Variants in PGF observed in about 807,000 individuals in gnomAD.
PGF encodes placenta growth factor.
A neutral mutation model predicts 25.3 loss-of-function variants in PGF; 11 were observed. That is an observed-to-expected ratio of 0.43 (90% confidence interval 0.27 to 0.72). The LOEUF (loss-of-function observed/expected upper bound fraction) is 0.72, where lower values mean the gene tolerates loss of function less well. Ranked by LOEUF, PGF falls within the 30% of genes least tolerant of loss-of-function variation. PGF has a pLI of 0.18. For synonymous variants in PGF, 105 were observed against 97.9 expected (o/e 1.07, Z -0.43); for missense variants, 230 against 234.9 (o/e 0.98, Z 0.14).
chr14:74,946,150 C>T (rs45441201), intron 6 of PGF, 63 bp downstream of exon 6: 38 of 1,506,066 alleles, frequency 2.5e-5, no homozygotes, highest in South Asian at 9.0e-5. Flanking sequence ...CTAACCCTGG[C>T]GGCAAGGCGG....
rs1229605022 is a variant in PGF, at chr14:74,948,483, AC to A, written c.392+23del. 2.7e-6 allele frequency: 4 copies of A among 1,501,436 alleles called. No homozygotes were observed. In the South Asian group the frequency reaches 3.5e-5, roughly 13 times the overall value. The allele number at this position is 1,501,436 out of a possible 1,614,324, so 93.0% of individuals were successfully genotyped here. A position where few individuals can be genotyped will look rare whatever the true frequency, so the allele number is the denominator to read the frequency against. Reference sequence around the variant, plus strand: ...AAGAGGACGGGGGCCTTTCCTTGCTACCCACCCGACCCCGGAGACCTACCGG... The same window carrying A: ...AAGAGGACGGGGGCCTTTCCTTGCTACCACCCGACCCCGGAGACCTACCGG... On this transcript the variant is annotated intron_variant, in intron 4 of 6. Transcript: ENST00000555567.
intron 3 of PGF, 114 bp from the exon 4 acceptor site, chr14:74,948,697 T>C: frequency 1.7e-6 from 1 of 605,248 alleles, no homozygotes; most frequent in Non-Finnish European, 2.9e-6. Context: ...GCCTGTGGAC[T>C]ACAGGCCCTC....
chr14:74,942,837 G>T, intron 6 of PGF, 104 bp from the exon 7 acceptor site: 5 of 1,041,324 alleles, frequency 4.8e-6, no homozygotes, highest in Non-Finnish European at 6.9e-6. Context: ...GCTTGGGCAG[G>T]GAGCATGGGG....
chr14:74,953,018 C>T lies in PGF; in HGVS notation c.118+886G>A, dbSNP rs2140409769. Among the ~76,000 whole-genome samples, 1 of 152,340 alleles carries T rather than the reference C, an allele frequency of 6.6e-6. No homozygotes were observed. The highest frequency in any genetic ancestry group is 2.1e-4 in the South Asian group (1 of 4,828). On this transcript the variant is annotated intron_variant, in intron 2 of 6. Transcript: ENST00000555567. The surrounding 1 kb of genome is among the most constrained non-coding windows in gnomAD (Gnocchi z 5.4). ...TAATGTTGTGCTGGTTCCAGAGGCA[C>T]AGCAAGGGAGGCATCCATGAGGTCA...
chr14:74,946,513 T>C, intron 4 of PGF, 105 bp from the exon 5 acceptor site: 1 of 1,128,908 alleles, frequency 8.9e-7, no homozygotes, highest in Non-Finnish European at 1.3e-6. Flanking sequence ...GTCCTGGTCC[T>C]GCAGCTGACA....
intron 1 of PGF, 74 bp from the exon 2 acceptor site, chr14:74,954,020 A>G: frequency 2.0e-6 from 3 of 1,505,962 alleles, no homozygotes; most frequent in South Asian, 2.3e-5. Context: ...GTGTGATGGC[A>G]AGAAGGTAGG....
intron 2 of PGF, among the ~76,000 whole-genome samples, chr14:74,952,463 C>A (rs899892351): frequency 6.6e-6 from 1 of 152,260 alleles, no homozygotes; most frequent in Non-Finnish European, 1.5e-5. Flanking sequence ...GGCCTGCCTG[C>A]ATCTGTAAAA....
intron 2 of PGF, among the ~76,000 whole-genome samples, 155 bp from the exon 3 acceptor site, chr14:74,949,708 T>C (rs1888831002): frequency 2.0e-5 from 3 of 152,166 alleles, no homozygotes. Flanking sequence ...CCCTCCGAAA[T>C]GCCTGCGGGC....
chr14:74,946,334 C>T lies in PGF; in HGVS notation c.422+45G>A, dbSNP rs776795566. The T allele has an allele frequency of 1.5e-5, 25 of 1,614,054 alleles. No individual in the cohort carries two copies. The East Asian group carries it at 5.3e-4, about 35-fold the overall frequency. On this transcript the variant is annotated intron_variant, in intron 5 of 6. Transcript: ENST00000555567. Reference sequence around the variant, plus strand: ...GGGGAACCCCATGCTAGGACAGAGGCTGGCAGGCCCGAGAATAGCCCCGAG... The same window carrying T: ...GGGGAACCCCATGCTAGGACAGAGGTTGGCAGGCCCGAGAATAGCCCCGAG...
chr14:74,946,325 G>C, intron 5 of PGF, 50 bp from the exon 6 acceptor site: 2 of 1,614,034 alleles, frequency 1.2e-6, no homozygotes, highest in Non-Finnish European at 8.5e-7. Flanking sequence ...CCCCATGCTA[G>C]GACAGAGGCT....
rs868687247 is a variant in PGF at position 74,955,239 on chromosome 14, G to A, written c.4C>T (p.Pro2Ser). 1 of 1,470,300 alleles carries A rather than the reference G, an allele frequency of 6.8e-7. No individual in the cohort carries two copies. The highest frequency in any genetic ancestry group is 2.3e-5 in the Admixed American group (1 of 43,600). The allele number at this position is 1,470,300 out of a possible 1,614,324, so 91.1% of individuals were successfully genotyped here. A position where few individuals can be genotyped will look rare whatever the true frequency, so the allele number is the denominator to read the frequency against. Residue 2 changes from proline to serine, a missense_variant, in exon 1 of 7, where the codon CCG becomes TCG. Coordinates refer to ENST00000555567, the MANE Select transcript of PGF (RefSeq NM_002632.6). This position sits in a 1 kb window ranked among gnomAD's most constrained non-coding sequence, Gnocchi z 4.1. ...AAGCAAGGGAACAGCCTCATGACCG[G>A]CATCTTCTCAGACGTCCCGAGCCAG... M[P>S]VMRLFPCFLQ...
chr14:74,946,512 C>T, intron 4 of PGF, 104 bp from the exon 5 acceptor site: 1 of 1,123,072 alleles, frequency 8.9e-7, no homozygotes, highest in Non-Finnish European at 1.3e-6. Context: ...AGTCCTGGTC[C>T]TGCAGCTGAC....
chr14:74,954,118 G>A lies in PGF; in HGVS notation c.76-172C>T. The A allele has an allele frequency of 4.7e-6, 3 of 634,304 alleles. No individual in the cohort carries two copies. In the Admixed American group the frequency reaches 7.5e-5, roughly 16 times the overall value. 39.3% of individuals were successfully genotyped at this position (634,304 alleles called of 1,614,324 possible). ...TACCACTAAAAACTCACTGGACCCT[G>A]GGTAGGTTAGGTCCCACCCCTCTCT... On this transcript the variant is annotated intron_variant, in intron 1 of 6. Coordinates refer to ENST00000555567, the MANE Select transcript of PGF (RefSeq NM_002632.6).
intron 6 of PGF, 50 bp from the exon 7 acceptor site, chr14:74,942,783 G>A: frequency 6.4e-7 from 1 of 1,571,148 alleles, no homozygotes; most frequent in South Asian, 1.2e-5. Flanking sequence ...ACTGTGGAGG[G>A]TGCGGTCTCC....
chr14:74,949,954 T>G (rs1208630782), intron 2 of PGF, among the ~76,000 whole-genome samples: 2 of 152,162 alleles, frequency 1.3e-5, no homozygotes, highest in Non-Finnish European at 1.5e-5. Context: ...CAGGGAGGGT[T>G]GGCCTTCCCT....
intron 4 of PGF, 156 bp from the exon 5 acceptor site, chr14:74,946,564 G>A (rs1196367989): frequency 5.8e-6 from 4 of 684,440 alleles, no homozygotes; most frequent in Non-Finnish European, 9.9e-6. Context: ...GCAAGGGAGA[G>A]GTGGCCAGAG....
rs2159907 is a variant in PGF at position 74,948,491 on chromosome 14, G to C, written c.392+16C>G. ...GGGGGCCTTTCCTTGCTACCCACCCGACCCCGGAGACCTACCGGCATTCGC... is the reference window on the plus strand; with the variant it reads ...GGGGGCCTTTCCTTGCTACCCACCCCACCCCGGAGACCTACCGGCATTCGC... On this transcript the variant is annotated intron_variant, in intron 4 of 6. Transcript: ENST00000555567. 0.99 allele frequency: 1,530,158 copies of C among 1,550,368 alleles called. 755,183 individuals are homozygous for C. The highest frequency in any genetic ancestry group is 1 in the East Asian group (43,297 of 43,306).
chr14:74,952,917 T>C (rs1404609305), intron 2 of PGF, among the ~76,000 whole-genome samples: 1 of 152,176 alleles, frequency 6.6e-6, no homozygotes, highest in Non-Finnish European at 1.5e-5. Flanking sequence ...AGCTGTGGCC[T>C]GACCTACACT....
chr14:74,954,216 C>T, intron 1 of PGF: 1 of 499,390 alleles, frequency 2.0e-6, no homozygotes, highest in South Asian at 2.5e-5. Flanking sequence ...TGCTGCATCC[C>T]AAAGATCTTC....
Sources: gnomAD v4.1 joint callset for allele counts (sites outside exome capture counted in the v4.1 genomes callset) on GRCh38, gnomAD v4.1.1 for gene constraint, Gnocchi (gnomAD v3.1) non-coding constraint, MANE v1.5 for transcripts, NCBI Gene and HGNC (gene_info 2026-07-23, HGNC 2026-07-21) for gene names.